The following LRRC7 variants were observed in gnomAD, a reference collection of about 807,000 sequenced individuals.
The protein encoded by LRRC7 is leucine rich repeat containing 7, also known as leucine-rich repeat-containing protein 7.
Under a neutral mutation model 175.7 loss-of-function variants are expected in LRRC7, and 23 were observed. That is an observed-to-expected ratio of 0.13 (90% CI 0.09 to 0.19). The LOEUF (loss-of-function observed/expected upper bound fraction) is 0.19, where lower values mean the gene tolerates loss of function less well. Ranked by LOEUF, LRRC7 falls within the 10% of genes least tolerant of loss-of-function variation. The pLI, the probability that LRRC7 is intolerant of heterozygous loss-of-function variation, is 1.00. For missense variants in LRRC7, 1,354 were observed against 1,904.7 expected, an observed-to-expected ratio of 0.71 and a Z score of 5.38; for synonymous variants, 685 against 680.9, an observed-to-expected ratio of 1.01 and a Z score of -0.09.
intron 7 of LRRC7, among the ~76,000 whole-genome samples, chr1:69,912,121 G>A (rs1236207368): frequency 1.3e-5 from 2 of 152,166 alleles, no homozygotes; most frequent in East Asian, 3.9e-4. Flanking sequence ...TTATATCCAT[G>A]AAGGTCATGG....
chr1:69,893,046 G>C (rs1186723721), intron 7 of LRRC7, among the ~76,000 whole-genome samples: 1 of 152,016 alleles, frequency 6.6e-6, no homozygotes, highest in African/African-American at 2.4e-5. Context: ...TTATTCTCTT[G>C]AGGTGTTTTT....
chr1:69,919,667 G>T, intron 7 of LRRC7: 2 of 944,554 alleles, frequency 2.1e-6, no homozygotes, highest in Non-Finnish European at 3.4e-6. Flanking sequence ...TGAGTCTCCG[G>T]CCTCACAATT....
At chr1:69,596,693 G>T (rs1199465509) in intron 1 of LRRC7, among the ~76,000 whole-genome samples, 1 of 152,196 alleles carries the variant, frequency 6.6e-6, no homozygotes, top group Non-Finnish European at 1.5e-5. Context: ...TAAATCACTT[G>T]TCTTCTCCTT....
At chr1:69,747,561 C>T (rs1234053506) in intron 2 of LRRC7, among the ~76,000 whole-genome samples, 5 of 152,098 alleles carry the variant, frequency 3.3e-5, no homozygotes, top group Non-Finnish European at 5.9e-5. Flanking sequence ...AGCAGGACCC[C>T]ATTATCTGAG....
chr1:70,039,307 A>G lies in LRRC7; in HGVS notation c.3483A>G (p.Thr1161=). 6.2e-7 allele frequency: 1 copy of G among 1,614,084 alleles called. No homozygotes were observed. Among genetic ancestry groups the G allele is most frequent in the Non-Finnish European group, 8.5e-7 (1 of 1,179,998 alleles). The change falls in exon 21 of 27, where the codon ACA becomes ACG. Residue 1161 remains threonine (T), a synonymous_variant. Transcript: ENST00000651989. The part of the protein sequence containing the change: ...LRRADSLVSA[T]EMAMFRRVNE... ...GGGCCGACTCCCTGGTGAGCGCCACAGAAATGGCCATGTTTAGAAGGGTCA... is the reference window on the plus strand; with the variant it reads ...GGGCCGACTCCCTGGTGAGCGCCACGGAAATGGCCATGTTTAGAAGGGTCA...
intron 2 of LRRC7, among the ~76,000 whole-genome samples, chr1:69,687,213 A>G (rs1159601081): frequency 6.6e-6 from 1 of 152,182 alleles, no homozygotes; most frequent in Non-Finnish European, 1.5e-5. Flanking sequence ...TTAAAAAAAG[A>G]AACTATTATT....
intron 1 of LRRC7, among the ~76,000 whole-genome samples, chr1:69,605,012 G>C (rs1050390254): frequency 6.6e-6 from 1 of 152,180 alleles, no homozygotes; most frequent in Non-Finnish European, 1.5e-5. Context: ...TGGCTGGATA[G>C]GCAGGTGTCT....
At chr1:70,072,212 C>CT (rs1247507780) in intron 23 of LRRC7, among the ~76,000 whole-genome samples, 1 of 152,124 alleles carries the variant, frequency 6.6e-6, no homozygotes, top group Non-Finnish European at 1.5e-5. Context: ...TTCTCTATTT[C>CT]TTTTTACTAT....
Position 69,924,431 on chromosome 1 carries a change from A to T in LRRC7, c.648-7076A>T, listed in dbSNP as rs571790856. Among the ~76,000 whole-genome samples, 6 of 152,350 alleles carry T rather than the reference A, an allele frequency of 3.9e-5. No homozygotes were observed. The East Asian group carries it at 1.2e-3, about 29-fold the overall frequency. ...TTTACGATATTGATTCTTCCTACCC[A>T]TGAGCATAGAATGTTCTTCCATTTG... On this transcript the variant is annotated intron_variant, in intron 7 of 26. Transcript: ENST00000651989.
At chr1:69,895,329 A>G (rs1262241533) in intron 7 of LRRC7, among the ~76,000 whole-genome samples, 1 of 152,228 alleles carries the variant, frequency 6.6e-6, no homozygotes, top group Non-Finnish European at 1.5e-5. Context: ...ACAAAAAAGC[A>G]AAGGTACACA....
chr1:69,719,159 C>T (rs12724793), intron 2 of LRRC7, among the ~76,000 whole-genome samples: 6 of 151,348 alleles, frequency 4.0e-5, no homozygotes, highest in Non-Finnish European at 7.4e-5. Context: ...GTTATTCTTG[C>T]GTAATCCCAT....
intron 1 of LRRC7, among the ~76,000 whole-genome samples, chr1:69,654,119 T>A (rs800929): frequency 0.019 from 2,935 of 151,986 alleles, 70 homozygotes; most frequent in African/African-American, 0.052. Context: ...TTATTTATTT[T>A]TTTTTTTTAC....
At chr1:69,888,775 G>A (rs1245137898) in intron 7 of LRRC7, among the ~76,000 whole-genome samples, 2 of 152,106 alleles carry the variant, frequency 1.3e-5, no homozygotes, top group African/African-American at 2.4e-5. Flanking sequence ...GCTGTTTGGG[G>A]GTAGGGAAGA....
In LRRC7 at chr1:70,039,286, C is replaced by T. The variant is rs753550558; in HGVS notation, c.3462C>T (p.Ala1154=). The T allele has an allele frequency of 4.2e-5, 67 of 1,613,838 alleles. No individual in the cohort carries two copies. The highest frequency in any genetic ancestry group is 5.1e-5 in the Non-Finnish European group (60 of 1,179,996). The stretch of plus-strand genomic sequence containing the variant: ...CCAGGGCGGGCTTCCTGAGAAGGGC[C>T]GACTCCCTGGTGAGCGCCACAGAAA... ...QGARAGFLRR[A]DSLVSATEMA... Residue 1154 remains alanine (A), a synonymous_variant, in exon 21 of 27, where the codon GCC becomes GCT. Transcript: ENST00000651989.
intron 23 of LRRC7, among the ~76,000 whole-genome samples, chr1:70,075,607 A>AAGGCTGTAT (rs1240917591): frequency 6.6e-6 from 1 of 152,204 alleles, no homozygotes; most frequent in Non-Finnish European, 1.5e-5. Context: ...AATGGTGATA[A>AAGGCTGTAT]TTGATAAATA....
intron 7 of LRRC7, among the ~76,000 whole-genome samples, chr1:69,884,906 G>A (rs1442242119): frequency 6.8e-6 from 1 of 146,722 alleles, no homozygotes; most frequent in Non-Finnish European, 1.5e-5. Context: ...CTGTTTATAT[G>A]CTGGATTACA....
intron 14 of LRRC7, 102 bp from the exon 15 acceptor site, chr1:70,018,617 C>T: frequency 3.4e-6 from 2 of 583,116 alleles, no homozygotes; most frequent in South Asian, 3.9e-5. Flanking sequence ...TTTCTTTTTT[C>T]ACTTTTTCCC....
At chr1:69,983,608 A>G (rs78173523) in intron 9 of LRRC7, among the ~76,000 whole-genome samples, 1,528 of 152,316 alleles carry the variant, frequency 0.01, 25 homozygotes, top group African/African-American at 0.035. Context: ...ATGATCAGTC[A>G]ATGCAGGTAT....
At chr1:69,746,573 T>C (rs1395025807) in intron 2 of LRRC7, among the ~76,000 whole-genome samples, 2 of 151,566 alleles carry the variant, frequency 1.3e-5, no homozygotes, top group African/African-American at 2.4e-5. Flanking sequence ...ATTTGCTTTG[T>C]TTATTTATTC....
Sources: gnomAD v4.1 joint callset for allele counts (sites outside exome capture counted in the v4.1 genomes callset) on GRCh38, gnomAD v4.1.1 for gene constraint, MANE v1.5 for transcripts, NCBI Gene and HGNC (gene_info 2026-07-23, HGNC 2026-07-21) for gene names.